SEPTIN12: variants seen among roughly 807,000 people sequenced by gnomAD.
The protein encoded by SEPTIN12 is septin 12.
In SEPTIN12, 42 loss-of-function variants were observed where a neutral mutation model predicts 37.7. The observed-to-expected ratio is 1.11, with a 90% CI of 0.87 to 1.44. The LOEUF (loss-of-function observed/expected upper bound fraction) is 1.44. SEPTIN12 is among the 40% of genes most tolerant of loss of function. SEPTIN12 has a pLI of 0.00. For synonymous variants in SEPTIN12, 254 were observed against 196.7 expected (o/e 1.29, Z -2.44); for missense variants, 613 against 479.2 (o/e 1.28, Z -2.61).
Position 4,787,554 on chromosome 16 carries a change from C to T in SEPTIN12, c.92G>A (p.Gly31Asp), listed in dbSNP as rs1335935528. 11 of 1,611,608 alleles carry T rather than the reference C, an allele frequency of 6.8e-6. No individual in the cohort carries two copies. The highest frequency in any genetic ancestry group is 3.3e-5 in the South Asian group (3 of 91,084). Residue 31 changes from glycine (G) to aspartate (D), a missense_variant, in exon 2 of 10, where the codon GGC becomes GAC. Gly to Asp is a moderately conservative substitution (Grantham distance 94). Transcript: ENST00000268231. Reference protein sequence around the residue: ...TPPCEMLGPVGIEAVLDQLKI... With the variant: ...TPPCEMLGPVDIEAVLDQLKI... ...CAGCTGGTCCAGCACAGCCTCAATG[C>T]CCACAGGACCAAGCATCTCGCAGGG...
intron 7 of SEPTIN12, 96 bp from the exon 8 acceptor site, chr16:4,779,882 C>A: frequency 1.3e-6 from 1 of 786,922 alleles, no homozygotes; most frequent in Non-Finnish European, 2.2e-6. Flanking sequence ...GGAGTCCTAT[C>A]CTTTTCGAGG....
chr16:4,788,363 G>A (rs558702599), upstream of SEPTIN12: 2 of 152,902 alleles, frequency 1.3e-5, no homozygotes, highest in East Asian at 1.9e-4. Context: ...GAGGGGAGAG[G>A]GTGACAGTTA....
intron 8 of SEPTIN12, among the ~76,000 whole-genome samples, chr16:4,779,290 C>T (rs1283828411): frequency 1.3e-5 from 2 of 152,230 alleles, no homozygotes; most frequent in Non-Finnish European, 2.9e-5. Flanking sequence ...CTTGTCCTGT[C>T]AGCTCTATGG....
At chr16:4,778,861 C>T (rs534304422) in intron 8 of SEPTIN12, among the ~76,000 whole-genome samples, 25 of 144,076 alleles carry the variant, frequency 1.7e-4, no homozygotes, top group Non-Finnish European at 2.6e-4. Flanking sequence ...ATCACCTGAC[C>T]GGGCGCGGTG....
intron 7 of SEPTIN12, 149 bp downstream of exon 7, chr16:4,783,313 T>G (rs979150477): frequency 5.9e-6 from 4 of 675,832 alleles, no homozygotes; most frequent in Non-Finnish European, 1.1e-5. Context: ...TATTTCTTGC[T>G]CACCTTGAGC....
rs554427604 is a variant in SEPTIN12 at position 4,787,490 on chromosome 16, G to C, written c.156C>G (p.Ile52Met). Reference sequence around the variant, plus strand: ...CTACCTCTCACTCACCCACCACCATGATGTTGAACTCAAACCCCATCTTCA... The same window carrying C: ...CTACCTCTCACTCACCCACCACCATCATGTTGAACTCAAACCCCATCTTCA... ...KAMKMGFEFNIMVVGQSGLGK... is the reference protein window; with the variant it reads ...KAMKMGFEFNMMVVGQSGLGK... Residue 52 changes from isoleucine to methionine, a missense_variant, in exon 2 of 10, where the codon ATC becomes ATG. Physicochemically the swap from Ile to Met is conservative, Grantham distance 10. Coordinates refer to ENST00000268231, the MANE Select transcript of SEPTIN12 (RefSeq NM_144605.5). 4 of 1,612,792 alleles carry C rather than the reference G, an allele frequency of 2.5e-6. No homozygotes were observed. Among genetic ancestry groups the C allele is most frequent in the Middle Eastern group, 1.6e-4 (1 of 6,062 alleles).
At chr16:4,787,212 A>G (rs535827627) in intron 2 of SEPTIN12, among the ~76,000 whole-genome samples, 1 of 152,096 alleles carries the variant, frequency 6.6e-6, no homozygotes, top group East Asian at 1.9e-4. Flanking sequence ...AGGTTTTGCT[A>G]GTCTCAAACT....
Position 4,785,775 on chromosome 16 carries a change from C to A in SEPTIN12, c.374+32G>T, listed in dbSNP as rs376325280. The A allele has an allele frequency of 9.8e-4, 1,404 of 1,426,662 alleles. 14 individuals are homozygous for A. The African/African-American group carries it at 0.019, about 20-fold the overall frequency. 88.4% of individuals were successfully genotyped at this position (1,426,662 alleles called of 1,614,324 possible). On this transcript the variant is annotated intron_variant, in intron 4 of 9. Transcript: ENST00000268231. Reference sequence around the variant, plus strand: ...CCTGGGTGACAAGAGTGAAACTCTGCCTAAAAAAAAAAAAAAAGAGAGAGA... The same window carrying A: ...CCTGGGTGACAAGAGTGAAACTCTGACTAAAAAAAAAAAAAAAGAGAGAGA...
chr16:4,786,326 CA>C (rs1227079054), intron 2 of SEPTIN12, among the ~76,000 whole-genome samples: 2 of 151,164 alleles, frequency 1.3e-5, no homozygotes, highest in Non-Finnish European at 2.9e-5. Context: ...AGGCACACGC[CA>C]CCATACCCAG....
In SEPTIN12 at chr16:4,785,730, A is replaced by G. The variant is rs2082430114; in HGVS notation, c.374+77T>C. 4 of 1,058,208 alleles carry G rather than the reference A, an allele frequency of 3.8e-6. No individual in the cohort carries two copies. In the South Asian group the frequency reaches 5.1e-5, roughly 13 times the overall value. The allele number at this position is 1,058,208 out of a possible 1,614,324, so 65.6% of individuals were successfully genotyped here. On this transcript the variant is annotated intron_variant, in intron 4 of 9. Coordinates refer to ENST00000268231, the MANE Select transcript of SEPTIN12 (RefSeq NM_144605.5). ...GAGGTGGAGGTTGCAGTGAGCCGAG[A>G]TCATGCCATTGCACTCCAGCCTGGG...
intron 4 of SEPTIN12, among the ~76,000 whole-genome samples, chr16:4,785,373 A>T (rs1173522342): frequency 2.0e-5 from 3 of 152,074 alleles, no homozygotes. Context: ...AAAAAAAAAA[A>T]AGATCACACA....
rs1567566063 is a variant in SEPTIN12, at chr16:4,784,050, G to C, written c.393C>G (p.Gly131=). ...NNDNCWDPIL[G]YINEQYEQYL... ...ACTGCTCGTATTGCTCGTTGATGTA[G>C]CCCAGGATGGGGTCCCAGCTGAGGC... Residue 131 remains glycine (G), a synonymous_variant, in exon 5 of 10, where the codon GGC becomes GGG. Transcript: ENST00000268231. 1 of 1,614,164 alleles carries C rather than the reference G, an allele frequency of 6.2e-7. No individual in the cohort carries two copies.
At chr16:4,782,488 T>G (rs552604845) in intron 7 of SEPTIN12, among the ~76,000 whole-genome samples, 2 of 152,208 alleles carry the variant, frequency 1.3e-5, no homozygotes, top group African/African-American at 4.8e-5. Context: ...TGCTGGGTCA[T>G]AGAGTAACTG....
At chr16:4,790,743 C>T (rs994497890), upstream of SEPTIN12, among the ~76,000 whole-genome samples, 3 of 152,146 alleles carry the variant, frequency 2.0e-5, no homozygotes, top group South Asian at 2.1e-4. Context: ...GAGCCGAGAT[C>T]GTGCCATTGC....
upstream of SEPTIN12, among the ~76,000 whole-genome samples, chr16:4,790,652 G>T (rs1219283843): frequency 6.6e-6 from 1 of 152,184 alleles, no homozygotes; most frequent in African/African-American, 2.4e-5. Context: ...GCTGGGCTTG[G>T]TGGCGGGCAC....
At chr16:4,778,975 A>T (rs942959054) in intron 8 of SEPTIN12, among the ~76,000 whole-genome samples, 1 of 151,374 alleles carries the variant, frequency 6.6e-6, no homozygotes, top group Non-Finnish European at 1.5e-5. Context: ...CGTCTCTCAT[A>T]AACATACAAA....
At chr16:4,781,147 T>G (rs1401409378) in intron 7 of SEPTIN12, among the ~76,000 whole-genome samples, 1 of 151,626 alleles carries the variant, frequency 6.6e-6, no homozygotes, top group Non-Finnish European at 1.5e-5. Context: ...TAGTCCCAGC[T>G]ACTCAGGAGG....
chr16:4,785,908 T>G lies in SEPTIN12; in HGVS notation c.293-20A>C. Reference sequence around the variant, plus strand: ...CTATGACTGTGGAGGGAGAGCAGAGTCGGGAGAGACTGGACCCAGGTGGGA... The same window carrying G: ...CTATGACTGTGGAGGGAGAGCAGAGGCGGGAGAGACTGGACCCAGGTGGGA... On this transcript the variant is annotated intron_variant, in intron 3 of 9. Coordinates refer to ENST00000268231, the MANE Select transcript of SEPTIN12 (RefSeq NM_144605.5). 1 of 1,388,692 alleles carries G rather than the reference T, an allele frequency of 7.2e-7. No homozygotes were observed. Among genetic ancestry groups the G allele is most frequent in the Non-Finnish European group, 9.7e-7 (1 of 1,027,314 alleles). The allele number at this position is 1,388,692 out of a possible 1,614,324, so 86.0% of individuals were successfully genotyped here.
upstream of SEPTIN12, among the ~76,000 whole-genome samples, chr16:4,791,445 T>C (rs77594396): frequency 9.2e-3 from 1,397 of 152,258 alleles, 24 homozygotes; most frequent in African/African-American, 0.032. Context: ...CTGACATCGA[T>C]GATCAGTTCA....
Sources: allele counts gnomAD v4.1 joint callset (sites outside exome capture counted in the v4.1 genomes callset), GRCh38; gene constraint gnomAD v4.1.1; transcripts MANE v1.5; gene names NCBI Gene and HGNC (gene_info 2026-07-23, HGNC 2026-07-21).